Variants in TMEM97 observed in about 807,000 individuals in gnomAD.
TMEM97 encodes the protein transmembrane protein 97.
Under a neutral mutation model 18.3 loss-of-function variants are expected in TMEM97, and 13 were observed. The observed-to-expected ratio is 0.71, with a 90% CI of 0.46 to 1.13. The LOEUF is 1.13. Ranked by LOEUF, TMEM97 falls within the 50% of genes most tolerant of loss-of-function variation. The pLI, the probability that TMEM97 is intolerant of heterozygous loss-of-function variation, is 0.00. For synonymous variants in TMEM97, 76 were observed against 85.3 expected, an observed-to-expected ratio of 0.89 and a Z score of 0.60; for missense variants, 205 against 210.5, an observed-to-expected ratio of 0.97 and a Z score of 0.16.
Position 28,328,471 on chromosome 17 carries a change from A to G in TMEM97, c.*1678A>G. The G allele has an allele frequency of 3.2e-6, 2 of 618,622 alleles. No individual in the cohort carries two copies. Among genetic ancestry groups the G allele is most frequent in the South Asian group, 1.9e-5 (1 of 52,034 alleles). The allele number at this position is 618,622 out of a possible 1,614,324, so 38.3% of individuals were successfully genotyped here. A position where few individuals can be genotyped will look rare whatever the true frequency, so the allele number is the denominator to read the frequency against. On this transcript the variant is annotated 3_prime_UTR_variant, in exon 3 of 3. Transcript: ENST00000226230. Reference sequence around the variant, plus strand: ...GCAGGGCCACCAGCAGCAGCTGTGCACTGATGTTAAAACTGGCTCCCCCAG... The same window carrying G: ...GCAGGGCCACCAGCAGCAGCTGTGCGCTGATGTTAAAACTGGCTCCCCCAG...
rs1555575589 is a variant in TMEM97 at position 28,326,882 on chromosome 17, C to T, written c.*89C>T. 3 of 1,451,498 alleles carry T rather than the reference C, an allele frequency of 2.1e-6. No homozygotes were observed. The highest frequency in any genetic ancestry group is 2.3e-5 in the East Asian group (1 of 43,916). The allele number at this position is 1,451,498 out of a possible 1,614,324, so 89.9% of individuals were successfully genotyped here. ...AAGGAACACTGCTCAGAACCCACGT[C>T]TTCAGCAGCATTTGAAACACTGGCA... On this transcript the variant is annotated 3_prime_UTR_variant, in exon 3 of 3. Transcript: ENST00000226230.
At chr17:28,323,169 C>T (rs909384514) in intron 1 of TMEM97, among the ~76,000 whole-genome samples, 1 of 152,198 alleles carries the variant, frequency 6.6e-6, no homozygotes, top group African/African-American at 2.4e-5. Context: ...GCTTTCTACT[C>T]TCCTACTCAC....
chr17:28,328,539 A>G lies in TMEM97; in HGVS notation c.*1746A>G. 1 of 711,708 alleles carries G rather than the reference A, an allele frequency of 1.4e-6. No individual in the cohort carries two copies. The highest frequency in any genetic ancestry group is 2.5e-6 in the Non-Finnish European group (1 of 407,474). 44.1% of individuals were successfully genotyped at this position (711,708 alleles called of 1,614,324 possible). ...CAGGGGGCTGCATTCCTTACACGCC[A>G]CCTCTTGTGACATAGGTCATTGGTC... On this transcript the variant is annotated 3_prime_UTR_variant, in exon 3 of 3. Transcript: ENST00000226230.
At chr17:28,326,346 G>A (rs1350855377) in intron 2 of TMEM97, among the ~76,000 whole-genome samples, 188 bp from the exon 3 acceptor site, 7 of 152,140 alleles carry the variant, frequency 4.6e-5, no homozygotes, top group Admixed American at 2.6e-4. Flanking sequence ...GTTCTTTGGC[G>A]AGCTGTCGGT....
At chr17:28,324,002 AT>A (rs1478377188) in intron 1 of TMEM97, among the ~76,000 whole-genome samples, 1 of 152,216 alleles carries the variant, frequency 6.6e-6, no homozygotes, top group Non-Finnish European at 1.5e-5. Context: ...CTCAAAAAAA[AT>A]AATAATAATT....
Position 28,325,514 on chromosome 17 carries a change from G to A in TMEM97, c.138G>A (p.Leu46=), listed in dbSNP as rs1555575354. 8.7e-6 allele frequency: 14 copies of A among 1,613,960 alleles called. No homozygotes were observed. In the South Asian group the frequency reaches 1.4e-4, roughly 16 times the overall value. The part of the protein sequence containing the change: ...RELYPVEFRN[L]LKWYAKEFKD... The stretch of plus-strand genomic sequence containing the variant: ...GTTTTCTTTTTCAGTTTAGAAACCT[G>A]CTGAAGTGGTATGCTAAGGAGTTCA... Residue 46 remains leucine (L), a synonymous_variant, in exon 2 of 3, where the codon CTG becomes CTA. Transcript: ENST00000226230.
chr17:28,326,738 T>A lies in TMEM97; in HGVS notation c.476T>A (p.Ile159Asn). Reference sequence around the variant, plus strand: ...TTACTCATCCCATTCATACTTTTAATTTTCATGTTGCGGAGCCCCTACTAC... The same window carrying A: ...TTACTCATCCCATTCATACTTTTAAATTTCATGTTGCGGAGCCCCTACTAC... The part of the protein sequence containing the change: ...PYLLIPFILL[I>N]FMLRSPYYKY... Residue 159 changes from isoleucine (I) to asparagine (N), a missense_variant, in exon 3 of 3, where the codon ATT becomes AAT. Transcript: ENST00000226230. The A allele has an allele frequency of 6.2e-7, 1 of 1,614,044 alleles. No homozygotes were observed. The highest frequency in any genetic ancestry group is 8.5e-7 in the Non-Finnish European group (1 of 1,180,034).
At position 28,327,643 on chromosome 17, in the gene TMEM97, G is replaced by GA. The variant is rs1479714863; in HGVS notation, c.*856dup. The GA allele has an allele frequency of 6.6e-6, 1 of 151,906 alleles. No individual in the cohort carries two copies. Among genetic ancestry groups the GA allele is most frequent in the Non-Finnish European group, 1.5e-5 (1 of 67,934 alleles). The allele number at this position is 151,906 out of a possible 1,614,324, so 9.4% of individuals were successfully genotyped here. On this transcript the variant is annotated 3_prime_UTR_variant, in exon 3 of 3. Transcript: ENST00000226230. Reference sequence around the variant, plus strand: ...TTCTTGTTCCCACCTCTAACCCAAGGAAAAAAGAGAAAACATACTATGCAA... The same window carrying GA: ...TTCTTGTTCCCACCTCTAACCCAAGGAAAAAAAGAGAAAACATACTATGCAA...
At position 28,328,526 on chromosome 17, in the gene TMEM97, T is replaced by C; in HGVS notation, c.*1733T>C. On this transcript the variant is annotated 3_prime_UTR_variant, in exon 3 of 3. Transcript: ENST00000226230. Reference sequence around the variant, plus strand: ...GTAGTGCTGTCTTCAGGGGGCTGCATTCCTTACACGCCACCTCTTGTGACA... The same window carrying C: ...GTAGTGCTGTCTTCAGGGGGCTGCACTCCTTACACGCCACCTCTTGTGACA... 1.5e-6 allele frequency: 1 copy of C among 686,946 alleles called. No homozygotes were observed. Among genetic ancestry groups the C allele is most frequent in the South Asian group, 1.7e-5 (1 of 59,612 alleles). 42.6% of individuals were successfully genotyped at this position (686,946 alleles called of 1,614,324 possible).
intron 1 of TMEM97, among the ~76,000 whole-genome samples, chr17:28,321,629 T>G (rs1906143876): frequency 6.6e-6 from 1 of 152,164 alleles, no homozygotes; most frequent in South Asian, 2.1e-4. Flanking sequence ...GATGATGTCT[T>G]ACTGTGTTAC....
At chr17:28,322,338 G>A (rs1363085513) in intron 1 of TMEM97, among the ~76,000 whole-genome samples, 8 of 151,266 alleles carry the variant, frequency 5.3e-5, no homozygotes, top group Non-Finnish European at 8.8e-5. Context: ...TCTGCCTCTC[G>A]GGTTCAAGCA....
chr17:28,324,480 T>A lies in TMEM97; in HGVS notation c.127-1023T>A, dbSNP rs189979066. On this transcript the variant is annotated intron_variant, in intron 1 of 2. Transcript: ENST00000226230. Reference sequence around the variant, plus strand: ...GATTTTCCATTGTAAGTAAGATAAATTCTTACCCTGGAGTTGCCTTTATTA... The same window carrying A: ...GATTTTCCATTGTAAGTAAGATAAAATCTTACCCTGGAGTTGCCTTTATTA... 5.2e-3 allele frequency among the ~76,000 whole-genome samples: 793 copies of A among 152,306 alleles called. 2 individuals are homozygous for A. The highest frequency in any genetic ancestry group is 0.027 in the South Asian group (131 of 4,826).
At chr17:28,320,929 C>T (rs1267688636) in intron 1 of TMEM97, among the ~76,000 whole-genome samples, 2 of 152,210 alleles carry the variant, frequency 1.3e-5, no homozygotes, top group Non-Finnish European at 2.9e-5. Context: ...TCAGGGCCCA[C>T]CAGATAACCC....
intron 1 of TMEM97, among the ~76,000 whole-genome samples, chr17:28,320,069 G>C (rs1230411868): frequency 6.6e-6 from 1 of 151,900 alleles, no homozygotes; most frequent in South Asian, 2.1e-4. Flanking sequence ...TTAGTTTCCC[G>C]GTTCGTTGAG....
At chr17:28,320,711 T>TA (rs1460659011) in intron 1 of TMEM97, among the ~76,000 whole-genome samples, 1 of 152,224 alleles carries the variant, frequency 6.6e-6, no homozygotes, top group African/African-American at 2.4e-5. Context: ...AATGAAATCT[T>TA]ACAGTGCTCA....
In TMEM97 at chr17:28,326,643, T is replaced by C; in HGVS notation, c.381T>C (p.Ser127=). The C allele has an allele frequency of 6.2e-7, 1 of 1,614,198 alleles. No individual in the cohort carries two copies. Among genetic ancestry groups the C allele is most frequent in the Non-Finnish European group, 8.5e-7 (1 of 1,180,038 alleles). Residue 127 remains serine (S), a synonymous_variant, in exon 3 of 3, where the codon AGT becomes AGC. Coordinates refer to ENST00000226230, the MANE Select transcript of TMEM97 (RefSeq NM_014573.3). ...TGTTTGAGGATTTCTCCAAAGCCAGTGGTTTCAAGGGACAAAGACCTGAGA... is the reference window on the plus strand; with the variant it reads ...TGTTTGAGGATTTCTCCAAAGCCAGCGGTTTCAAGGGACAAAGACCTGAGA... ...TFLFEDFSKA[S]GFKGQRPETL...
At chr17:28,326,400 A>C (rs1360467735) in intron 2 of TMEM97, 134 bp from the exon 3 acceptor site, 4 of 1,074,730 alleles carry the variant, frequency 3.7e-6, no homozygotes, top group Non-Finnish European at 5.4e-6. Flanking sequence ...TGGCACATCC[A>C]GGTTTCCAGT....
In TMEM97 at chr17:28,327,699, G is replaced by A. The variant is rs561815761; in HGVS notation, c.*906G>A. On this transcript the variant is annotated 3_prime_UTR_variant, in exon 3 of 3. Transcript: ENST00000226230. ...GTTTAAACTTAAGTTTTCCTTAAGG[G>A]TCAGCCCAACAATGACTTTCAGTCA... The A allele has an allele frequency of 6.6e-6, 1 of 152,338 alleles. No homozygotes were observed. Among genetic ancestry groups the A allele is most frequent in the South Asian group, 2.1e-4 (1 of 4,824 alleles). The allele number at this position is 152,338 out of a possible 1,614,324, so 9.4% of individuals were successfully genotyped here. A position where few individuals can be genotyped will look rare whatever the true frequency, so the allele number is the denominator to read the frequency against.
rs1351186142 is a variant in TMEM97 at position 28,327,720 on chromosome 17, A to G, written c.*927A>G. 6.6e-6 allele frequency: 1 copy of G among 152,274 alleles called. No homozygotes were observed. The highest frequency in any genetic ancestry group is 1.5e-5 in the Non-Finnish European group (1 of 68,046). The allele number at this position is 152,274 out of a possible 1,614,324, so 9.4% of individuals were successfully genotyped here. On this transcript the variant is annotated 3_prime_UTR_variant, in exon 3 of 3. Coordinates refer to ENST00000226230, the MANE Select transcript of TMEM97 (RefSeq NM_014573.3). ...AAGGGTCAGCCCAACAATGACTTTC[A>G]GTCAAATGGATTAAACTGGAAAATG...
Sources: gnomAD v4.1 joint callset for allele counts (sites outside exome capture counted in the v4.1 genomes callset) on GRCh38, gnomAD v4.1.1 for gene constraint, MANE v1.5 for transcripts, NCBI Gene and HGNC (gene_info 2026-07-23, HGNC 2026-07-21) for gene names.